The following USP43 variants were observed in gnomAD, a reference collection of about 807,000 sequenced individuals.
USP43 encodes the protein ubiquitin carboxyl-terminal hydrolase 43.
A neutral mutation model predicts 90.7 loss-of-function variants in USP43; 33 were observed. That is an observed-to-expected ratio of 0.36 (90% CI 0.28 to 0.49). The LOEUF (loss-of-function observed/expected upper bound fraction) is 0.49. Among genes scored for constraint, USP43 ranks in the 20% least tolerant of loss-of-function variants. The probability of loss-of-function intolerance (pLI) is 0.98; values close to 1 mark genes in which losing one functional copy is unlikely to be tolerated. For synonymous variants in USP43, 598 were observed against 615.8 expected (o/e 0.97, Z 0.43); for missense variants, 1,274 against 1,476.4 (o/e 0.86, Z 2.25).
In USP43 at chr17:9,661,988, G is replaced by A. The variant is rs184106149; in HGVS notation, c.637-4660G>A. ...CGCTCAATGACAGGGAAAGCTGAAGGACCAGCTTGGAACTGTCAAGAATCA... is the reference window on the plus strand; with the variant it reads ...CGCTCAATGACAGGGAAAGCTGAAGAACCAGCTTGGAACTGTCAAGAATCA... On this transcript the variant is annotated intron_variant, in intron 2 of 14. Coordinates refer to ENST00000285199, the MANE Select transcript of USP43 (RefSeq NM_153210.5). 3.9e-5 allele frequency among the ~76,000 whole-genome samples: 6 copies of A among 152,238 alleles called. No homozygotes were observed. In the East Asian group the frequency reaches 1.2e-3, roughly 29 times the overall value.
intron 2 of USP43, among the ~76,000 whole-genome samples, chr17:9,663,435 T>C (rs1400301147): frequency 6.6e-6 from 1 of 151,854 alleles, no homozygotes; most frequent in Non-Finnish European, 1.5e-5. Flanking sequence ...GTAGCTGGGA[T>C]TACAGATGTG....
chr17:9,649,431 G>T (rs572719403), intron 1 of USP43, among the ~76,000 whole-genome samples: 2 of 152,018 alleles, frequency 1.3e-5, no homozygotes, highest in African/African-American at 4.8e-5. Context: ...TTATAAGGGT[G>T]TATTGTGTGT....
chr17:9,701,048 A>G lies in USP43; in HGVS notation c.1536-71A>G. 1 of 1,423,214 alleles carries G rather than the reference A, an allele frequency of 7.0e-7. No homozygotes were observed. The highest frequency in any genetic ancestry group is 9.2e-7 in the Non-Finnish European group (1 of 1,086,770). The allele number at this position is 1,423,214 out of a possible 1,614,324, so 88.2% of individuals were successfully genotyped here. On this transcript the variant is annotated intron_variant, in intron 10 of 14. Transcript: ENST00000285199. This position sits in a 1 kb window ranked among gnomAD's most constrained non-coding sequence, Gnocchi z 7.2. Reference sequence around the variant, plus strand: ...AATGTCTGCTGACGGGTTTGCTGTGAGTAGAGACATAGACGAAACCTGTCT... The same window carrying G: ...AATGTCTGCTGACGGGTTTGCTGTGGGTAGAGACATAGACGAAACCTGTCT...
chr17:9,655,084 G>GAAA (rs57985388), intron 1 of USP43, among the ~76,000 whole-genome samples: 7 of 37,320 alleles, frequency 1.9e-4, no homozygotes, highest in East Asian at 1.1e-3. Flanking sequence ...AGAAAGAAAG[G>GAAA]AAAAAAAAAA....
intron 8 of USP43, among the ~76,000 whole-genome samples, chr17:9,688,185 C>T (rs1490008464): frequency 1.3e-5 from 2 of 151,272 alleles, no homozygotes; most frequent in African/African-American, 4.9e-5. Context: ...GACGGGGTTT[C>T]ACTGTGTTAG....
At chr17:9,687,029 T>C in intron 8 of USP43, 120 bp downstream of exon 8, 2 of 797,764 alleles carry the variant, frequency 2.5e-6, no homozygotes, top group South Asian at 3.9e-5. Context: ...TAATTTGCTG[T>C]TAAAGAGTGT....
At position 9,701,580 on chromosome 17, in the gene USP43, GGCCCCT is replaced by G; in HGVS notation, c.1893_1898del (p.Trp633_Pro634del). ...AAGCACCAGCCCTGAGGCAGGACTGGGCCCCTGGCCTTCCTGGAAGCAGCCGGACTG... is the reference window on the plus strand; with the variant it reads ...AAGCACCAGCCCTGAGGCAGGACTGGGGCCTTCCTGGAAGCAGCCGGACTG... On this transcript the variant is annotated inframe_deletion, in exon 12 of 15. Coordinates refer to ENST00000285199, the MANE Select transcript of USP43 (RefSeq NM_153210.5). This position sits in a 1 kb window ranked among gnomAD's most constrained non-coding sequence, Gnocchi z 7.2. The G allele has an allele frequency of 6.4e-7, 1 of 1,571,940 alleles. No individual in the cohort carries two copies. The highest frequency in any genetic ancestry group is 1.2e-5 in the South Asian group (1 of 85,340).
At chr17:9,711,720 C>G (rs1490483225) in intron 13 of USP43, among the ~76,000 whole-genome samples, 1 of 152,192 alleles carries the variant, frequency 6.6e-6, no homozygotes, top group Admixed American at 6.5e-5. Context: ...CGTGAGCCAC[C>G]GCGCCCAGCC....
Position 9,681,153 on chromosome 17 carries a change from TATATACTATATAATATATACTATATA to T in USP43, c.1105+819_1105+844del, listed in dbSNP as rs1567660659. ...ATACTATATAATATATACTATATAATATATACTATATAATATATACTATATAATATACTATATAATATATACTATAT... is the reference window on the plus strand; with the variant it reads ...ATACTATATAATATATACTATATAATATATACTATATAATATATACTATAT... On this transcript the variant is annotated intron_variant, in intron 6 of 14. Transcript: ENST00000285199. Among the ~76,000 whole-genome samples, 18 of 89,480 alleles carry T rather than the reference TATATACTATATAATATATACTATATA, an allele frequency of 2.0e-4. 1 individual carries two copies. Among genetic ancestry groups the T allele is most frequent in the African/African-American group, 3.6e-4 (7 of 19,542 alleles). The allele number at this position is 89,480 out of a possible 152,430, so 58.7% of individuals were successfully genotyped here.
chr17:9,693,227 A>G lies in USP43; in HGVS notation c.1454A>G (p.Asp485Gly), dbSNP rs200437516. 1 of 1,611,596 alleles carries G rather than the reference A, an allele frequency of 6.2e-7. No homozygotes were observed. The highest frequency in any genetic ancestry group is 2.2e-5 in the East Asian group (1 of 44,844). ...CGGCCCCTCTGTCACTGGGCAGTTG[A>G]CAGGTAAGGGGGAAGGTCCAGGTTC... ...DSRPLCHWAV[D>G]RVLHLRRPGG... The change falls in exon 9 of 15, where the codon GAC (aspartate) becomes GGC (glycine). Residue 485 changes from aspartate (D) to glycine (G), a missense_variant. Asp to Gly is a moderately conservative substitution (Grantham distance 94, BLOSUM62 -1). Around this residue, in one of 6 missense-constraint regions of USP43, gnomAD observed 253 missense variants for 276.0 expected, o/e 0.92. Coordinates refer to ENST00000285199, the MANE Select transcript of USP43 (RefSeq NM_153210.5).
chr17:9,689,762 C>A (rs1253265512), intron 8 of USP43, among the ~76,000 whole-genome samples: 2 of 152,102 alleles, frequency 1.3e-5, no homozygotes, highest in East Asian at 3.9e-4. Context: ...GTGAGGCCAG[C>A]ACTATTTGTG....
chr17:9,686,767 C>T lies in USP43; in HGVS notation c.1242-31C>T. ...GTGGATGTTGCTGGTTTTTCCTTTG[C>T]TGGGATAACCCGATTTCCTTGGATT... is the stretch of plus-strand genomic sequence containing the variant. On this transcript the variant is annotated intron_variant, in intron 7 of 14. Coordinates refer to ENST00000285199, the MANE Select transcript of USP43 (RefSeq NM_153210.5). The surrounding 1 kb of genome is among the most constrained non-coding windows in gnomAD (Gnocchi z 5.5). 1 of 1,603,180 alleles carries T rather than the reference C, an allele frequency of 6.2e-7. No individual in the cohort carries two copies. Among genetic ancestry groups the T allele is most frequent in the Non-Finnish European group, 8.5e-7 (1 of 1,171,944 alleles).
intron 14 of USP43, among the ~76,000 whole-genome samples, chr17:9,724,340 G>A (rs1917136906): frequency 6.6e-6 from 1 of 152,126 alleles, no homozygotes; most frequent in African/African-American, 2.4e-5. Context: ...TGACCTCCAC[G>A]TGGAAATGGT....
At chr17:9,721,987 C>T (rs1597897620) in intron 14 of USP43, among the ~76,000 whole-genome samples, 1 of 151,910 alleles carries the variant, frequency 6.6e-6, no homozygotes, top group Non-Finnish European at 1.5e-5. Flanking sequence ...CCACCTGCCT[C>T]AGCCTCCCAC....
At chr17:9,683,808 C>A (rs926846533) in intron 7 of USP43, among the ~76,000 whole-genome samples, 20 of 152,184 alleles carry the variant, frequency 1.3e-4, no homozygotes, top group Non-Finnish European at 2.5e-4. Context: ...AAATAGTCAA[C>A]TTTTTACTCC....
In USP43 at chr17:9,728,191, G is replaced by A. The variant is rs1917375090; in HGVS notation, c.2573G>A (p.Gly858Asp). 1 of 1,613,862 alleles carries A rather than the reference G, an allele frequency of 6.2e-7. No individual in the cohort carries two copies. The highest frequency in any genetic ancestry group is 8.5e-7 in the Non-Finnish European group (1 of 1,179,898). ...SIVSLLTGTA[G>D]EDEKSASPRS... Reference sequence around the variant, plus strand: ...GTGTCGCTGTTGACGGGCACTGCGGGTGAGGATGAGAAGTCAGCATCGCCG... The same window carrying A: ...GTGTCGCTGTTGACGGGCACTGCGGATGAGGATGAGAAGTCAGCATCGCCG... The change falls in exon 15 of 15, where the codon GGT becomes GAT. Residue 858 changes from glycine to aspartate, a missense_variant. Physicochemically the swap from Gly to Asp is moderately conservative, Grantham distance 94. Around this residue, in one of 6 missense-constraint regions of USP43, gnomAD observed 285 missense variants for 349.6 expected, o/e 0.82. Coordinates refer to ENST00000285199, the MANE Select transcript of USP43 (RefSeq NM_153210.5). This position sits in a 1 kb window ranked among gnomAD's most constrained non-coding sequence, Gnocchi z 6.2.
intron 9 of USP43, among the ~76,000 whole-genome samples, chr17:9,695,420 G>A (rs777213822): frequency 1.1e-4 from 16 of 151,842 alleles, no homozygotes; most frequent in Admixed American, 3.9e-4. Flanking sequence ...TGCAACCTCC[G>A]CCTCCTGGGT....
chr17:9,655,084 GAAAAAAAAAAAA>G (rs57985388), intron 1 of USP43, among the ~76,000 whole-genome samples: 4,123 of 37,432 alleles, frequency 0.11, 250 homozygotes, highest in African/African-American at 0.26. Context: ...AGAAAGAAAG[GAAAAAAAAAAAA>G]AAAAAAAAAA....
chr17:9,706,666 CAG>C (rs1915899936), intron 12 of USP43, among the ~76,000 whole-genome samples: 1 of 103,596 alleles, frequency 9.7e-6, no homozygotes, highest in Non-Finnish European at 1.8e-5. Context: ...TTTTTTGAGA[CAG>C]AGTCTCGCTC....
Sources: allele counts gnomAD v4.1 joint callset (sites outside exome capture counted in the v4.1 genomes callset), GRCh38; gene constraint gnomAD v4.1.1; regional missense constraint gnomAD v4.1.1; non-coding constraint Gnocchi (gnomAD v3.1); transcripts MANE v1.5; gene names NCBI Gene and HGNC (gene_info 2026-07-23, HGNC 2026-07-21).